DBF4: variants seen among roughly 807,000 people sequenced by gnomAD.
DBF4 encodes protein DBF4 homolog A.
A neutral mutation model predicts 76.6 loss-of-function variants in DBF4; 25 were observed. That is an observed-to-expected ratio of 0.33 (90% confidence interval 0.24 to 0.46). The LOEUF (loss-of-function observed/expected upper bound fraction) is 0.46. Ranked by LOEUF, DBF4 falls within the 20% of genes least tolerant of loss-of-function variation. DBF4 has a pLI of 1.00. For synonymous variants in DBF4, 213 were observed against 258.0 expected, an observed-to-expected ratio of 0.83 and a Z score of 1.67; for missense variants, 638 against 760.8, an observed-to-expected ratio of 0.84 and a Z score of 1.90.
intron 8 of DBF4, among the ~76,000 whole-genome samples, chr7:87,897,918 T>C (rs1839681106): frequency 6.6e-6 from 1 of 152,080 alleles, no homozygotes; most frequent in African/African-American, 2.4e-5. Context: ...GCTGGGATTA[T>C]GGGTCTACGC....
chr7:87,901,748 C>G (rs1226163519), intron 10 of DBF4, among the ~76,000 whole-genome samples: 3 of 152,164 alleles, frequency 2.0e-5, no homozygotes, highest in African/African-American at 7.2e-5. Flanking sequence ...GCTGTGTGAG[C>G]TTGGACAGTG....
intron 8 of DBF4, among the ~76,000 whole-genome samples, chr7:87,899,949 A>G (rs907762598): frequency 6.6e-6 from 1 of 152,220 alleles, no homozygotes; most frequent in South Asian, 2.1e-4. Flanking sequence ...GGACGGTAGC[A>G]GTGATGGTAC....
At chr7:87,884,935 T>C (rs1174166182) in intron 2 of DBF4, 44 bp from the exon 3 acceptor site, 1 of 1,476,310 alleles carries the variant, frequency 6.8e-7, no homozygotes, top group South Asian at 1.2e-5. Context: ...AGACCGTGTT[T>C]CTTAAAACAA....
Position 87,907,439 on chromosome 7 carries a change from G to A in DBF4, c.1301G>A (p.Cys434Tyr), listed in dbSNP as rs1349937126. 2 of 1,613,852 alleles carry A rather than the reference G, an allele frequency of 1.2e-6. No homozygotes were observed. The highest frequency in any genetic ancestry group is 1.3e-5 in the African/African-American group (1 of 74,898). The change falls in exon 12 of 12, where the codon TGT becomes TAT. Residue 434 changes from cysteine (C) to tyrosine (Y), a missense_variant. Cys to Tyr is a radical substitution (Grantham distance 194). Transcript: ENST00000265728. ...RGLNEKMSNK[C>Y]SMLSTAEDDI... Reference sequence around the variant, plus strand: ...CTTAATGAGAAAATGAGTAATAAATGTTCCATGTTAAGTACAGCTGAAGAT... The same window carrying A: ...CTTAATGAGAAAATGAGTAATAAATATTCCATGTTAAGTACAGCTGAAGAT...
intron 6 of DBF4, among the ~76,000 whole-genome samples, chr7:87,888,877 T>A (rs2131052837): frequency 6.6e-6 from 1 of 152,342 alleles, no homozygotes; most frequent in Middle Eastern, 3.4e-3. Flanking sequence ...TTTCTCCTGA[T>A]CTCTTCATAT....
chr7:87,887,361 TGC>T lies in DBF4; in HGVS notation c.484_485del (p.Ala162LeufsTer11). On this transcript the variant is annotated frameshift_variant, in exon 5 of 12. Transcript: ENST00000265728. LOFTEE classifies it high-confidence loss of function. ...FIPSNSILSN[A>X]LSWGVKILHI... is the part of the protein sequence containing the mutation. ...TTCCTTCAAATAGTATATTATCAAA[TGC>T]CTTGTCATGGGGAGTAAAAATTCTT... The T allele has an allele frequency of 6.4e-7, 1 of 1,560,932 alleles. No homozygotes were observed. The highest frequency in any genetic ancestry group is 8.8e-7 in the Non-Finnish European group (1 of 1,141,060).
At chr7:87,883,400 T>C (rs1839264996) in intron 2 of DBF4, among the ~76,000 whole-genome samples, 1 of 152,204 alleles carries the variant, frequency 6.6e-6, no homozygotes, top group Non-Finnish European at 1.5e-5. Context: ...AATTGTACAC[T>C]TAAAAATGGT....
At chr7:87,900,729 G>A (rs752304491) in intron 9 of DBF4, 35 bp from the exon 10 acceptor site, 1 of 1,533,218 alleles carries the variant, frequency 6.5e-7, no homozygotes, top group South Asian at 1.1e-5. Flanking sequence ...CTTAGGTTCA[G>A]CAGTTAATTC....
intron 3 of DBF4, among the ~76,000 whole-genome samples, chr7:87,886,000 A>G (rs925697721): frequency 2.0e-5 from 3 of 152,212 alleles, no homozygotes; most frequent in Admixed American, 6.5e-5. Context: ...CGACTTACCT[A>G]TTATAGCCAT....
intron 7 of DBF4, 52 bp downstream of exon 7, chr7:87,896,562 A>G (rs771859533): frequency 3.3e-6 from 5 of 1,511,148 alleles, no homozygotes; most frequent in Admixed American, 3.4e-5. Context: ...GAAAAATCAT[A>G]AAAGATCTTC....
At chr7:87,896,867 A>G (rs574241915) in intron 7 of DBF4, among the ~76,000 whole-genome samples, 1 of 152,366 alleles carries the variant, frequency 6.6e-6, no homozygotes, top group South Asian at 2.1e-4. Flanking sequence ...AAGCGTAAAC[A>G]ATGCTTTGAG....
At chr7:87,891,012 A>AT (rs1839471761) in intron 6 of DBF4, among the ~76,000 whole-genome samples, 1 of 152,152 alleles carries the variant, frequency 6.6e-6, no homozygotes, top group Non-Finnish European at 1.5e-5. Flanking sequence ...AATTAGTGAA[A>AT]TTACATTTAA....
chr7:87,887,762 T>A (rs1280081683), intron 5 of DBF4, among the ~76,000 whole-genome samples: 1 of 152,128 alleles, frequency 6.6e-6, no homozygotes, highest in Non-Finnish European at 1.5e-5. Context: ...GATAACCCAT[T>A]AATCCATGAA....
At chr7:87,900,924 T>C (rs1584370783) in intron 10 of DBF4, 46 bp downstream of exon 10, 1 of 1,451,724 alleles carries the variant, frequency 6.9e-7, no homozygotes. Context: ...AAAACTGTAA[T>C]ACTTGTGTTT....
intron 2 of DBF4, 40 bp downstream of exon 2, chr7:87,878,265 G>GT: frequency 1.4e-5 from 21 of 1,490,188 alleles, no homozygotes; most frequent in Non-Finnish European, 1.9e-5. Flanking sequence ...GGAAAAATTT[G>GT]TAACTAGTAC....
rs754481788 is a variant in DBF4, at chr7:87,887,366, T to C, written c.488T>C (p.Leu163Ser). 3.2e-6 allele frequency: 5 copies of C among 1,565,400 alleles called. No homozygotes were observed. The highest frequency in any genetic ancestry group is 4.4e-6 in the Non-Finnish European group (5 of 1,144,946). ...IPSNSILSNA[L>S]SWGVKILHID... ...TCAAATAGTATATTATCAAATGCCT[T>C]GTCATGGGGAGTAAAAATTCTTCAT... is the stretch of plus-strand genomic sequence containing the variant. The change falls in exon 5 of 12, where the codon TTG becomes TCG. Residue 163 changes from leucine (L) to serine (S), a missense_variant. Transcript: ENST00000265728.
At chr7:87,888,548 T>C (rs182902390) in intron 6 of DBF4, among the ~76,000 whole-genome samples, 1 of 152,338 alleles carries the variant, frequency 6.6e-6, no homozygotes, top group East Asian at 1.9e-4. Flanking sequence ...CTTCAGTCCC[T>C]TTCCTTTTCC....
chr7:87,881,358 A>G (rs567429997), intron 2 of DBF4, among the ~76,000 whole-genome samples: 1 of 152,356 alleles, frequency 6.6e-6, no homozygotes, highest in Non-Finnish European at 1.5e-5. Flanking sequence ...CAGTGAGCCA[A>G]GATTGTGCCA....
chr7:87,896,594 C>G, intron 7 of DBF4, 84 bp downstream of exon 7: 1 of 1,220,218 alleles, frequency 8.2e-7, no homozygotes, highest in Non-Finnish European at 1.2e-6. Flanking sequence ...AAACCACCCT[C>G]TAAATGATTT....
Sources: gnomAD v4.1 joint callset for allele counts (sites outside exome capture counted in the v4.1 genomes callset) on GRCh38, gnomAD v4.1.1 for gene constraint, MANE v1.5 for transcripts, NCBI Gene and HGNC (gene_info 2026-07-23, HGNC 2026-07-21) for gene names.